SPATA2L: variants seen among roughly 807,000 people sequenced by gnomAD.
The protein encoded by SPATA2L is spermatogenesis associated 2 like, also known as spermatogenesis-associated protein 2-like protein.
In SPATA2L, 5 loss-of-function variants were observed where a neutral mutation model predicts 8.7. That is an observed-to-expected ratio of 0.57 (90% CI 0.30 to 1.21). The LOEUF (loss-of-function observed/expected upper bound fraction) is 1.21, where lower values mean the gene tolerates loss of function less well. SPATA2L is among the 50% of genes most tolerant of loss of function. SPATA2L has a pLI of 0.07. For synonymous variants in SPATA2L, 358 were observed against 275.8 expected (o/e 1.30, Z -2.95); for missense variants, 671 against 591.0 (o/e 1.14, Z -1.40).
At chr16:89,701,358 T>C (rs1192671515) in intron 1 of SPATA2L, 125 bp from the exon 2 acceptor site, 3 of 1,018,862 alleles carry the variant, frequency 2.9e-6, no homozygotes, top group Non-Finnish European at 3.9e-6. Flanking sequence ...CCCCAGCGGC[T>C]GGGCGCCCCC....
At position 89,697,658 on chromosome 16, in the gene SPATA2L, A is replaced by G; in HGVS notation, c.951T>C (p.Ser317=). The G allele has an allele frequency of 6.2e-7, 1 of 1,609,952 alleles. No homozygotes were observed. Among genetic ancestry groups the G allele is most frequent in the Non-Finnish European group, 8.5e-7 (1 of 1,179,844 alleles). ...FSFLSLRREL[S]RPGDLATPES... The stretch of plus-strand genomic sequence containing the variant: ...CAGGGGTGGCCAGGTCCCCAGGCCT[A>G]CTCAGCTCACGGCGCAGAGAGAGGA... Residue 317 remains serine, a synonymous_variant, in exon 3 of 3, where the codon AGT becomes AGC. Coordinates refer to ENST00000289805, the MANE Select transcript of SPATA2L (RefSeq NM_152339.4).
chr16:89,697,333 C>T lies in SPATA2L; in HGVS notation c.*1G>A, dbSNP rs751294655. 1.1e-4 allele frequency: 172 copies of T among 1,504,790 alleles called. No individual in the cohort carries two copies. Among genetic ancestry groups the T allele is most frequent in the Non-Finnish European group, 1.5e-4 (165 of 1,127,480 alleles). 93.2% of individuals were successfully genotyped at this position (1,504,790 alleles called of 1,614,324 possible). ...AGCCCTTGACCTGGGGCCCAGCTGG[C>T]CTAGGGCCGGGCCCCGGGGCTGTTG... On this transcript the variant is annotated 3_prime_UTR_variant, in exon 3 of 3. Transcript: ENST00000289805.
chr16:89,699,905 A>G (rs760014165), intron 2 of SPATA2L, among the ~76,000 whole-genome samples: 1 of 152,210 alleles, frequency 6.6e-6, no homozygotes, highest in African/African-American at 2.4e-5. Context: ...GCTCAGGACA[A>G]TCACTGCGAG....
In SPATA2L at chr16:89,700,123, G is replaced by A. The variant is rs139100233; in HGVS notation, c.303+807C>T. 5.3e-3 allele frequency among the ~76,000 whole-genome samples: 811 copies of A among 152,354 alleles called. 2 individuals carry two copies. Among genetic ancestry groups the A allele is most frequent in the African/African-American group, 7.2e-3 (298 of 41,580 alleles). On this transcript the variant is annotated intron_variant, in intron 2 of 2. Coordinates refer to ENST00000289805, the MANE Select transcript of SPATA2L (RefSeq NM_152339.4). ...TAGCTAATTTGGCCAAGTCCTCGCG[G>A]CCAGGAAGCAGCAGAACTAAGTCCA...
chr16:89,698,894 C>T (rs1295808892), intron 2 of SPATA2L, among the ~76,000 whole-genome samples: 11 of 150,778 alleles, frequency 7.3e-5, no homozygotes, highest in African/African-American at 2.2e-4. Context: ...TTCAAGCGAT[C>T]TTCCTGCCTC....
rs772818607 is a variant in SPATA2L, at chr16:89,697,365, A to G, written c.1244T>C (p.Leu415Pro). 1 of 1,551,362 alleles carries G rather than the reference A, an allele frequency of 6.4e-7. No homozygotes were observed. The highest frequency in any genetic ancestry group is 2.0e-4 in the Middle Eastern group (1 of 5,008). The change falls in exon 3 of 3, where the codon CTG becomes CCG. Residue 415 changes from leucine to proline, a missense_variant. Coordinates refer to ENST00000289805, the MANE Select transcript of SPATA2L (RefSeq NM_152339.4). ...LWLQRAQMDTLLYNSPGARP is the reference protein window; with the variant it reads ...LWLQRAQMDTPLYNSPGARP ...CCGGGCCCCGGGGCTGTTGTAGAGC[A>G]GAGTGTCCATCTGTGCACGCTGTAG...
intron 2 of SPATA2L, among the ~76,000 whole-genome samples, chr16:89,699,056 G>C (rs946004534): frequency 1.3e-5 from 2 of 152,046 alleles, no homozygotes; most frequent in Non-Finnish European, 2.9e-5. Flanking sequence ...GAAGTGCTGG[G>C]ATTACAGGTG....
Position 89,697,474 on chromosome 16 carries a change from C to T in SPATA2L, c.1135G>A (p.Ala379Thr). 1.9e-6 allele frequency: 3 copies of T among 1,603,300 alleles called. No homozygotes were observed. The highest frequency in any genetic ancestry group is 2.6e-6 in the Non-Finnish European group (3 of 1,175,472). Residue 379 changes from alanine (A) to threonine (T), a missense_variant, in exon 3 of 3, where the codon GCT (alanine) becomes ACT (threonine). Ala to Thr is a moderately conservative substitution (Grantham distance 58). Transcript: ENST00000289805. ...GCGGGCAGGGCTGCACAGTGGGCAG[C>T]ATGCAGCTGGCGACAGGTGTCGCAG... ...LCCDTCRQLH[A>T]AHCAALPACR...
Position 89,701,062 on chromosome 16 carries a change from G to T in SPATA2L, c.171C>A (p.Leu57=). 2 of 1,574,346 alleles carry T rather than the reference G, an allele frequency of 1.3e-6. No homozygotes were observed. Among genetic ancestry groups the T allele is most frequent in the Non-Finnish European group, 1.7e-6 (2 of 1,164,284 alleles). ...CGGCGCGGCCCCACAGCCCGTCGGT[G>T]AGCAGAGCCAGCGCGTCGTCCTGCA... The part of the protein sequence containing the change: ...GALQDDALAL[L]TDGLWGRADL... The change falls in exon 2 of 3, where the codon CTC becomes CTA. Residue 57 remains leucine (L), a synonymous_variant. Transcript: ENST00000289805.
At chr16:89,701,369 G>A in intron 1 of SPATA2L, 136 bp from the exon 2 acceptor site, 1 of 846,598 alleles carries the variant, frequency 1.2e-6, no homozygotes, top group Non-Finnish European at 1.7e-6. Context: ...GGGCGCCCCC[G>A]GTATCTTCGG....
chr16:89,697,421 CA>C lies in SPATA2L; in HGVS notation c.1187del (p.Val396GlyfsTer201), dbSNP rs748193616. ...PACRPGHSLR[V>X]LLGDAQRRLW... is the part of the protein sequence containing the mutation. ...AGCGCCGCTGGGCGTCGCCAAGCAG[CA>C]CACGCAGCGAGTGGCCTGGACGGCA... On this transcript the variant is annotated frameshift_variant, in exon 3 of 3. Coordinates refer to ENST00000289805, the MANE Select transcript of SPATA2L (RefSeq NM_152339.4). LOFTEE classifies it high-confidence loss of function. 1 of 1,605,056 alleles carries C rather than the reference CA, an allele frequency of 6.2e-7. No homozygotes were observed. Among genetic ancestry groups the C allele is most frequent in the Non-Finnish European group, 8.5e-7 (1 of 1,175,974 alleles).
rs1343022732 is a variant in SPATA2L at position 89,697,179 on chromosome 16, C to G, written c.*155G>C. 2.9e-6 allele frequency: 4 copies of G among 1,377,362 alleles called. No homozygotes were observed. Among genetic ancestry groups the G allele is most frequent in the Non-Finnish European group, 2.8e-6 (3 of 1,068,192 alleles). 85.3% of individuals were successfully genotyped at this position (1,377,362 alleles called of 1,614,324 possible). A position where few individuals can be genotyped will look rare whatever the true frequency, so the allele number is the denominator to read the frequency against. On this transcript the variant is annotated 3_prime_UTR_variant, in exon 3 of 3. Transcript: ENST00000289805. The stretch of plus-strand genomic sequence containing the variant: ...GGAGCCTTCCATATACAGAGAGTCC[C>G]ACCTCCAGCAAGGGTTGGCCTGGAC...
At chr16:89,701,531 T>G in intron 1 of SPATA2L, 97 bp downstream of exon 1, 9 of 352,012 alleles carry the variant, frequency 2.6e-5, no homozygotes, top group East Asian at 1.3e-4. Flanking sequence ...GACCGCACCC[T>G]TCTCTAGAGA....
chr16:89,697,992 TCCTGGG>T lies in SPATA2L; in HGVS notation c.611_616del (p.Ala204_Gln205del), dbSNP rs911556911. The T allele has an allele frequency of 8.1e-6, 13 of 1,601,022 alleles. No individual in the cohort carries two copies. The highest frequency in any genetic ancestry group is 1.1e-5 in the Non-Finnish European group (13 of 1,177,310). On this transcript the variant is annotated inframe_deletion, in exon 3 of 3. Coordinates refer to ENST00000289805, the MANE Select transcript of SPATA2L (RefSeq NM_152339.4). ...GGGGGGCAGGGGTGGCGGCTCCTCA[TCCTGGG>T]CCAGCCGCTGCTGCAGCCAGGCCAC...
At position 89,697,362 on chromosome 16, in the gene SPATA2L, A is replaced by G. The variant is rs761217230; in HGVS notation, c.1247T>C (p.Leu416Pro). 12 of 1,544,164 alleles carry G rather than the reference A, an allele frequency of 7.8e-6. No individual in the cohort carries two copies. The Admixed American group carries it at 2.3e-4, about 30-fold the overall frequency. Reference protein sequence around the residue: ...WLQRAQMDTLLYNSPGARP With the variant: ...WLQRAQMDTLPYNSPGARP ...GGGCCGGGCCCCGGGGCTGTTGTAG[A>G]GCAGAGTGTCCATCTGTGCACGCTG... Residue 416 changes from leucine to proline, a missense_variant, in exon 3 of 3, where the codon CTC becomes CCC. Physicochemically the swap from Leu to Pro is moderately conservative, Grantham distance 98. Transcript: ENST00000289805.
In SPATA2L at chr16:89,697,893, T is replaced by G. The variant is rs565565017; in HGVS notation, c.716A>C (p.Asp239Ala). Reference sequence around the variant, plus strand: ...TGACGGCTCCCCATACAGGCTGGCGTCCTCCGACCCCTCGTCTTCCTGCAA... The same window carrying G: ...TGACGGCTCCCCATACAGGCTGGCGGCCTCCGACCCCTCGTCTTCCTGCAA... ...RDLQEDEGSEDASLYGEPSPG... is the reference protein window; with the variant it reads ...RDLQEDEGSEAASLYGEPSPG... The change falls in exon 3 of 3, where the codon GAC (aspartate) becomes GCC (alanine). Residue 239 changes from aspartate (D) to alanine (A), a missense_variant. By Grantham distance (126) the Asp-to-Ala change is moderately radical. Transcript: ENST00000289805. The G allele has an allele frequency of 1.2e-6, 2 of 1,611,342 alleles. No individual in the cohort carries two copies. The highest frequency in any genetic ancestry group is 4.5e-5 in the East Asian group (2 of 44,834).
rs776193331 is a variant in SPATA2L at position 89,697,312 on chromosome 16, C to T, written c.*22G>A. On this transcript the variant is annotated 3_prime_UTR_variant, in exon 3 of 3. Coordinates refer to ENST00000289805, the MANE Select transcript of SPATA2L (RefSeq NM_152339.4). ...CCACGGGAGCTGTCTCCCAAGAGCCCTTGACCTGGGGCCCAGCTGGCCTAG... is the reference window on the plus strand; with the variant it reads ...CCACGGGAGCTGTCTCCCAAGAGCCTTTGACCTGGGGCCCAGCTGGCCTAG... 3 of 1,491,950 alleles carry T rather than the reference C, an allele frequency of 2.0e-6. No individual in the cohort carries two copies. Among genetic ancestry groups the T allele is most frequent in the African/African-American group, 2.8e-5 (2 of 71,476 alleles). 92.4% of individuals were successfully genotyped at this position (1,491,950 alleles called of 1,614,324 possible).
In SPATA2L at chr16:89,697,505, G is replaced by T; in HGVS notation, c.1104C>A (p.Thr368=). The part of the protein sequence containing the change: ...HSCLSPGALP[T]LCCDTCRQLH... ...GCTGGCGACAGGTGTCGCAGCAGAG[G>T]GTGGGCAGGGCGCCAGGGGACAGGC... The change falls in exon 3 of 3, where the codon ACC becomes ACA. Residue 368 remains threonine, a synonymous_variant. Coordinates refer to ENST00000289805, the MANE Select transcript of SPATA2L (RefSeq NM_152339.4). The T allele has an allele frequency of 6.3e-7, 1 of 1,599,874 alleles. No homozygotes were observed. Among genetic ancestry groups the T allele is most frequent in the South Asian group, 1.1e-5 (1 of 90,486 alleles).
At chr16:89,698,474 C>CTTTTTTTTT (rs61610413) in intron 2 of SPATA2L, among the ~76,000 whole-genome samples, 169 bp from the exon 3 acceptor site, 1 of 54,110 alleles carries the variant, frequency 1.8e-5, no homozygotes, top group African/African-American at 7.1e-5. Context: ...ATGATGATTT[C>CTTTTTTTTT]TTTTTTTTTT....
Sources: allele counts gnomAD v4.1 joint callset (sites outside exome capture counted in the v4.1 genomes callset), GRCh38; gene constraint gnomAD v4.1.1; transcripts MANE v1.5; gene names NCBI Gene and HGNC (gene_info 2026-07-23, HGNC 2026-07-21).